Variants in ORC4 observed in about 807,000 individuals in gnomAD.
The protein encoded by ORC4 is origin recognition complex subunit 4, also known as origin recognition complex, subunit 4 homolog.
ORC4 carries 55 observed loss-of-function variants against 63.9 expected under a neutral mutation model. The ratio of observed to expected loss-of-function variants is 0.86; its 90% CI spans 0.69 to 1.08. ORC4 has a LOEUF of 1.08. Among genes scored for constraint, ORC4 ranks in the 50% least tolerant of loss-of-function variants. The pLI is 0.00. For missense variants in ORC4, 511 were observed against 504.4 expected, an observed-to-expected ratio of 1.01 and a Z score of -0.13; for synonymous variants, 150 against 168.5, an observed-to-expected ratio of 0.89 and a Z score of 0.85.
intron 1 of ORC4, among the ~76,000 whole-genome samples, chr2:147,981,768 T>C (rs1190781294): frequency 6.6e-6 from 1 of 152,206 alleles, no homozygotes; most frequent in African/African-American, 2.4e-5. Context: ...TTGAATGATT[T>C]GAACCCAAAT....
Position 148,004,172 on chromosome 2 carries a change from T to C in ORC4, c.-18+16461A>G, listed in dbSNP as rs574781657. On this transcript the variant is annotated intron_variant, in intron 1 of 13. Coordinates refer to ENST00000392857, the MANE Select transcript of ORC4 (RefSeq NM_181741.4). ...ATAGGAAGGATCAATATCATGAAAA[T>C]GGCCACACCGCCCAAAGTAATTTAT... Among the ~76,000 whole-genome samples the C allele has an allele frequency of 7.9e-5, 12 of 152,112 alleles. No homozygotes were observed. The East Asian group carries it at 2.3e-3, about 29-fold the overall frequency.
At chr2:147,977,256 C>G (rs1229901627) in intron 1 of ORC4, among the ~76,000 whole-genome samples, 1 of 152,158 alleles carries the variant, frequency 6.6e-6, no homozygotes, top group East Asian at 1.9e-4. Context: ...GTATTCTGGT[C>G]TCATCTAATC....
At chr2:148,009,388 C>G (rs558949925) in intron 1 of ORC4, among the ~76,000 whole-genome samples, 2 of 152,126 alleles carry the variant, frequency 1.3e-5, no homozygotes, top group Admixed American at 6.5e-5. Context: ...GAAAAAGATA[C>G]TGCACCAAAC....
At chr2:147,953,352 G>A (rs747747226) in intron 7 of ORC4, among the ~76,000 whole-genome samples, 1 of 151,982 alleles carries the variant, frequency 6.6e-6, no homozygotes, top group Non-Finnish European at 1.5e-5. Flanking sequence ...AGTAGAGTTT[G>A]TTGTTGAAAA....
At position 147,932,078 on chromosome 2, in the gene ORC4, CCTT is replaced by C. The variant is rs1261344040; in HGVS notation, c.*3429_*3431del. 4 of 151,782 alleles carry C rather than the reference CCTT, an allele frequency of 2.6e-5. No individual in the cohort carries two copies. The highest frequency in any genetic ancestry group is 9.7e-5 in the African/African-American group (4 of 41,300). 9.4% of individuals were successfully genotyped at this position (151,782 alleles called of 1,614,324 possible). The stretch of plus-strand genomic sequence containing the variant: ...ACCCCATCGTCTCAGCCCAAAATCT[CCTT>C]AAGCTGATAAGCAACTTCAGCAAAG... On this transcript the variant is annotated 3_prime_UTR_variant, in exon 14 of 14. Transcript: ENST00000392857.
intron 3 of ORC4, 91 bp from the exon 4 acceptor site, chr2:147,972,920 C>A: frequency 1.2e-6 from 1 of 811,010 alleles, no homozygotes; most frequent in Non-Finnish European, 2.1e-6. Context: ...TGAATATGCA[C>A]AGAAATTTCC....
chr2:147,982,637 C>G (rs1690955830), intron 1 of ORC4, among the ~76,000 whole-genome samples: 1 of 152,100 alleles, frequency 6.6e-6, no homozygotes, highest in South Asian at 2.1e-4. Flanking sequence ...ATAAAAGAAA[C>G]AACAAACATG....
At chr2:147,997,015 A>G (rs1692014239) in intron 1 of ORC4, among the ~76,000 whole-genome samples, 1 of 152,200 alleles carries the variant, frequency 6.6e-6, no homozygotes, top group Non-Finnish European at 1.5e-5. Flanking sequence ...GTGTCCTTCA[A>G]TATGTGAATG....
At chr2:147,954,562 C>A (rs1689141191) in intron 7 of ORC4, among the ~76,000 whole-genome samples, 1 of 152,046 alleles carries the variant, frequency 6.6e-6, no homozygotes, top group African/African-American at 2.4e-5. Context: ...TCTAATAGGA[C>A]CACTGTCACA....
At chr2:147,991,544 G>T (rs184210968) in intron 1 of ORC4, among the ~76,000 whole-genome samples, 1 of 152,120 alleles carries the variant, frequency 6.6e-6, no homozygotes, top group East Asian at 1.9e-4. Flanking sequence ...AATTACTACA[G>T]TTGGCCGGGC....
In ORC4 at chr2:147,975,652, C is replaced by T. The variant is rs141023427; in HGVS notation, c.57+250G>A. 1.2e-3 allele frequency among the ~76,000 whole-genome samples: 179 copies of T among 152,064 alleles called. 1 individual carries two copies. The highest frequency in any genetic ancestry group is 3.4e-3 in the Middle Eastern group (1 of 294). On this transcript the variant is annotated intron_variant, in intron 2 of 13. Transcript: ENST00000392857. Reference sequence around the variant, plus strand: ...ATGAACTGACAAAAAGGGCAGAGAACAATCATAACAACAAAATCTGTTGGT... The same window carrying T: ...ATGAACTGACAAAAAGGGCAGAGAATAATCATAACAACAAAATCTGTTGGT...
At chr2:148,001,275 CA>C (rs1692286358) in intron 1 of ORC4, among the ~76,000 whole-genome samples, 1 of 152,032 alleles carries the variant, frequency 6.6e-6, no homozygotes, top group Non-Finnish European at 1.5e-5. Context: ...ACCTTTGCAA[CA>C]GTTAAAAGAA....
intron 7 of ORC4, among the ~76,000 whole-genome samples, chr2:147,953,699 C>T (rs1558838761): frequency 6.6e-6 from 1 of 152,190 alleles, no homozygotes; most frequent in African/African-American, 2.4e-5. Flanking sequence ...GAAAGTTCCA[C>T]ATCACCCTCT....
chr2:147,968,460 C>T (rs1232625819), intron 4 of ORC4, among the ~76,000 whole-genome samples: 1 of 151,788 alleles, frequency 6.6e-6, no homozygotes, highest in East Asian at 1.9e-4. Flanking sequence ...AACCAATTTG[C>T]TTAAAAAACA....
At chr2:148,021,466 C>T (rs1693719098), upstream of ORC4, 1 of 531,968 alleles carries the variant, frequency 1.9e-6, no homozygotes, top group South Asian at 1.6e-5. Flanking sequence ...GCTGCTGTTG[C>T]TGCTGCTGCT....
At chr2:148,010,931 C>T (rs113260011) in intron 1 of ORC4, among the ~76,000 whole-genome samples, 2,461 of 146,540 alleles carry the variant, frequency 0.017, 70 homozygotes, top group African/African-American at 0.059. Flanking sequence ...TGGGTTCAAG[C>T]GATTCTCCTG....
intron 1 of ORC4, among the ~76,000 whole-genome samples, chr2:147,988,334 A>C (rs992540146): frequency 2.6e-5 from 4 of 151,806 alleles, no homozygotes; most frequent in Non-Finnish European, 5.9e-5. Flanking sequence ...CAGTTTGGAG[A>C]CATTACTGAA....
intron 1 of ORC4, among the ~76,000 whole-genome samples, chr2:148,011,997 TG>T (rs1454627374): frequency 1.3e-5 from 2 of 152,018 alleles, no homozygotes; most frequent in Admixed American, 1.3e-4. Context: ...TGAAAAAAAT[TG>T]TATTGTTAAA....
At position 147,931,643 on chromosome 2, in the gene ORC4, T is replaced by G. The variant is rs902104020; in HGVS notation, c.*3867A>C. Reference sequence around the variant, plus strand: ...GGGCTTCATCCCTGGGATGCAAGGCTGGTTCAATATACGCAAATCAATGAA... The same window carrying G: ...GGGCTTCATCCCTGGGATGCAAGGCGGGTTCAATATACGCAAATCAATGAA... On this transcript the variant is annotated 3_prime_UTR_variant, in exon 14 of 14. Transcript: ENST00000392857. The G allele has an allele frequency of 4.6e-5, 7 of 152,196 alleles. No individual in the cohort carries two copies. Among genetic ancestry groups the G allele is most frequent in the Non-Finnish European group, 7.3e-5 (5 of 68,060 alleles). The allele number at this position is 152,196 out of a possible 1,614,324, so 9.4% of individuals were successfully genotyped here.
Sources: gnomAD v4.1 joint callset for allele counts (sites outside exome capture counted in the v4.1 genomes callset) on GRCh38, gnomAD v4.1.1 for gene constraint, MANE v1.5 for transcripts, NCBI Gene and HGNC (gene_info 2026-07-23, HGNC 2026-07-21) for gene names.